The following MAST4 variants were observed in gnomAD, a reference collection of about 807,000 sequenced individuals.
MAST4 encodes microtubule associated serine/threonine kinase family member 4.
Under a neutral mutation model 162.7 loss-of-function variants are expected in MAST4, and 89 were observed. That is an observed-to-expected ratio of 0.55 (90% confidence interval 0.46 to 0.65). MAST4 has a LOEUF of 0.65. Among genes scored for constraint, MAST4 ranks in the 30% least tolerant of loss-of-function variants. The pLI is 0.00. For missense variants in MAST4, 3,153 were observed against 3,374.0 expected (o/e 0.93, Z 1.62); for synonymous variants, 1,479 against 1,361.1 (o/e 1.09, Z -1.91).
At chr5:66,815,835 C>A (rs16895662) in intron 3 of MAST4, among the ~76,000 whole-genome samples, 2 of 152,144 alleles carry the variant, frequency 1.3e-5, no homozygotes, top group Non-Finnish European at 2.9e-5. Flanking sequence ...TCCTCACAAA[C>A]GTCCTTACCT....
intron 4 of MAST4, among the ~76,000 whole-genome samples, chr5:66,952,869 C>T (rs1052711162): frequency 1.3e-5 from 2 of 152,174 alleles, no homozygotes; most frequent in Non-Finnish European, 2.9e-5. Context: ...TGTTCCCTGA[C>T]CCACTGCCCA....
intron 1 of MAST4, among the ~76,000 whole-genome samples, chr5:66,627,183 G>C (rs1181849515): frequency 2.6e-5 from 4 of 152,148 alleles, no homozygotes; most frequent in African/African-American, 9.7e-5. Context: ...GCAGCAGCAA[G>C]GAGAAGTGCC....
Position 67,092,526 on chromosome 5 carries a change from A to G in MAST4, c.833+2295A>G, listed in dbSNP as rs547058744. Among the ~76,000 whole-genome samples, 175 of 152,326 alleles carry G rather than the reference A, an allele frequency of 1.1e-3. 1 individual carries two copies. Among genetic ancestry groups the G allele is most frequent in the African/African-American group, 4.0e-3 (165 of 41,574 alleles). On this transcript the variant is annotated intron_variant, in intron 6 of 28. Transcript: ENST00000403625. ...TTGCTAATTGTGGTATTAATTTACA[A>G]TCCACCTGATTGTGGACCTACTTAA...
chr5:67,060,549 C>A (rs1314315628), intron 5 of MAST4, among the ~76,000 whole-genome samples: 2 of 150,518 alleles, frequency 1.3e-5, no homozygotes, highest in African/African-American at 4.9e-5. Context: ...GCGATCTCCG[C>A]TCACTCTAAG....
intron 10 of MAST4, among the ~76,000 whole-genome samples, chr5:67,109,599 T>C (rs1419297423): frequency 6.6e-6 from 1 of 152,188 alleles, no homozygotes; most frequent in African/African-American, 2.4e-5. Flanking sequence ...TGCACACTTC[T>C]TACGTGTGAT....
rs556278993 is a variant in MAST4 at position 67,081,464 on chromosome 5, A to T, written c.764-8698A>T. On this transcript the variant is annotated intron_variant, in intron 5 of 28. Coordinates refer to ENST00000403625, the MANE Select transcript of MAST4 (RefSeq NM_001164664.2). ...GTATGATTGAGACAAGGAAGAAGAG[A>T]TGCTGAATTATGGGAGAAAATAGGG... Among the ~76,000 whole-genome samples, 5 of 152,106 alleles carry T rather than the reference A, an allele frequency of 3.3e-5. No individual in the cohort carries two copies. In the South Asian group the frequency reaches 1.0e-3, roughly 32 times the overall value.
chr5:67,093,746 A>G, intron 6 of MAST4: 1 of 387,804 alleles, frequency 2.6e-6, no homozygotes, highest in Non-Finnish European at 5.4e-6. Flanking sequence ...TTAATGCATC[A>G]CAAAACAAAA....
At chr5:66,610,857 G>T (rs1163420927) in intron 1 of MAST4, among the ~76,000 whole-genome samples, 1 of 152,212 alleles carries the variant, frequency 6.6e-6, no homozygotes, top group African/African-American at 2.4e-5. Context: ...ACCTTTCTTT[G>T]TCTTTAGGAC....
At chr5:66,639,148 A>G (rs1745315819) in intron 1 of MAST4, among the ~76,000 whole-genome samples, 1 of 152,040 alleles carries the variant, frequency 6.6e-6, no homozygotes, top group South Asian at 2.1e-4. Context: ...GGAAGAAGGG[A>G]ATAATTAGAG....
intron 1 of MAST4, among the ~76,000 whole-genome samples, chr5:66,650,198 G>C (rs1746127678): frequency 6.6e-6 from 1 of 152,116 alleles, no homozygotes; most frequent in South Asian, 2.1e-4. Flanking sequence ...TGGTGGCTCT[G>C]CTTCAAGCTG....
At chr5:66,691,644 G>A (rs918067162) in intron 1 of MAST4, among the ~76,000 whole-genome samples, 1 of 152,136 alleles carries the variant, frequency 6.6e-6, no homozygotes, top group Non-Finnish European at 1.5e-5. Flanking sequence ...TTCATGGATG[G>A]CTGACTTCTT....
chr5:66,628,542 A>G (rs1242130158), intron 1 of MAST4, among the ~76,000 whole-genome samples: 2 of 152,050 alleles, frequency 1.3e-5, no homozygotes, highest in Non-Finnish European at 2.9e-5. Context: ...AGAGGAGAAA[A>G]TTAATAGATC....
At chr5:66,726,217 A>G (rs905686250) in intron 1 of MAST4, among the ~76,000 whole-genome samples, 5 of 152,120 alleles carry the variant, frequency 3.3e-5, no homozygotes, top group African/African-American at 1.2e-4. Flanking sequence ...TGGAGGAGGT[A>G]GATAAAATCC....
At chr5:67,133,827 G>C (rs1244306376) in intron 17 of MAST4, among the ~76,000 whole-genome samples, 181 bp downstream of exon 17, 6 of 152,128 alleles carry the variant, frequency 3.9e-5, no homozygotes, top group Non-Finnish European at 8.8e-5. Context: ...TCTTTGAATT[G>C]TCTGCTCCCT....
chr5:66,798,150 A>G (rs1755742756), intron 3 of MAST4, among the ~76,000 whole-genome samples: 1 of 152,212 alleles, frequency 6.6e-6, no homozygotes, highest in Non-Finnish European at 1.5e-5. Context: ...TGTTAGATTC[A>G]GTGGCTACAT....
At chr5:66,856,222 A>G (rs989943423) in intron 3 of MAST4, among the ~76,000 whole-genome samples, 2 of 152,168 alleles carry the variant, frequency 1.3e-5, no homozygotes, top group Non-Finnish European at 2.9e-5. Context: ...CTGAGCTTGC[A>G]CTGAGTCCCC....
intron 4 of MAST4, among the ~76,000 whole-genome samples, chr5:66,962,712 A>G (rs1160042809): frequency 1.3e-5 from 2 of 152,138 alleles, no homozygotes; most frequent in Non-Finnish European, 1.5e-5. Context: ...AAGAACAACA[A>G]CAACAACAAA....
chr5:67,156,347 G>A (rs1697137), intron 26 of MAST4, among the ~76,000 whole-genome samples: 75,330 of 152,070 alleles, frequency 0.5, 21,971 homozygotes, highest in Non-Finnish European at 0.65. Context: ...CACTACCACA[G>A]CACACTGCTC....
chr5:66,933,344 A>G (rs1742373072), intron 4 of MAST4, among the ~76,000 whole-genome samples: 1 of 152,234 alleles, frequency 6.6e-6, no homozygotes, highest in Non-Finnish European at 1.5e-5. Context: ...AACTTCCATC[A>G]GCAAAACCTA....
Sources: allele counts gnomAD v4.1 joint callset (sites outside exome capture counted in the v4.1 genomes callset), GRCh38; gene constraint gnomAD v4.1.1; transcripts MANE v1.5; gene names NCBI Gene and HGNC (gene_info 2026-07-23, HGNC 2026-07-21).